The following GALNT13 variants were observed in gnomAD, a reference collection of about 807,000 sequenced individuals.
GALNT13 encodes the protein polypeptide N-acetylgalactosaminyltransferase 13.
In GALNT13, 28 loss-of-function variants were observed where a neutral mutation model predicts 64.2. That is an observed-to-expected ratio of 0.44 (90% CI 0.32 to 0.60). The LOEUF (loss-of-function observed/expected upper bound fraction) is 0.60. Among genes scored for constraint, GALNT13 ranks in the 20% least tolerant of loss-of-function variants. The pLI is 0.05. For synonymous variants in GALNT13, 214 were observed against 224.6 expected, an observed-to-expected ratio of 0.95 and a Z score of 0.42; for missense variants, 577 against 669.8, an observed-to-expected ratio of 0.86 and a Z score of 1.53.
intron 4 of GALNT13, among the ~76,000 whole-genome samples, chr2:154,233,482 AG>A (rs1689035835): frequency 6.6e-6 from 1 of 152,162 alleles, no homozygotes; most frequent in African/African-American, 2.4e-5. Context: ...TTGTTTGAAT[AG>A]ATTTATTTCC....
At chr2:153,462,010 C>T in the GALNT13 span, among the ~76,000 whole-genome samples, 1 of 151,984 alleles carries the variant, frequency 6.6e-6, no homozygotes, top group African/African-American at 2.4e-5. Flanking sequence ...TATCTGCTGC[C>T]ACCTGGATCT....
intron 3 of GALNT13, among the ~76,000 whole-genome samples, chr2:154,138,270 C>T (rs1683060141): frequency 2.0e-5 from 3 of 151,964 alleles, no homozygotes; most frequent in Non-Finnish European, 4.4e-5. Flanking sequence ...CTCCTGTGTA[C>T]ACATAAAAAT....
intron 3 of GALNT13, among the ~76,000 whole-genome samples, chr2:153,964,475 A>G (rs1693188799): frequency 6.6e-6 from 1 of 152,158 alleles, no homozygotes; most frequent in African/African-American, 2.4e-5. Context: ...CAGCATTTTC[A>G]TATATTTCTC....
the GALNT13 span, among the ~76,000 whole-genome samples, chr2:153,722,981 G>T: frequency 2.0e-5 from 3 of 152,016 alleles, no homozygotes; most frequent in South Asian, 2.1e-4. Context: ...TGATACCAAA[G>T]CCGGGCAGAG....
At chr2:153,175,728 A>G in the GALNT13 span, among the ~76,000 whole-genome samples, 3 of 152,194 alleles carry the variant, frequency 2.0e-5, no homozygotes, top group Non-Finnish European at 4.4e-5. Flanking sequence ...GATAAGACTC[A>G]TATTTTTAAA....
At chr2:154,354,617 C>CTT (rs748220614) in intron 9 of GALNT13, among the ~76,000 whole-genome samples, 31 of 105,584 alleles carry the variant, frequency 2.9e-4, no homozygotes, top group East Asian at 1.3e-3. Context: ...TTCAATCTCA[C>CTT]TTTTTTTTTT....
At chr2:154,231,270 G>C (rs1559038565) in intron 4 of GALNT13, among the ~76,000 whole-genome samples, 1 of 151,972 alleles carries the variant, frequency 6.6e-6, no homozygotes, top group East Asian at 1.9e-4. Context: ...CCTGTCAAAG[G>C]CAATTTCTTT....
chr2:153,292,002 C>A, the GALNT13 span, among the ~76,000 whole-genome samples: 1 of 152,154 alleles, frequency 6.6e-6, no homozygotes, highest in African/African-American at 2.4e-5. Flanking sequence ...AAAGGAAATG[C>A]CCTATCCACA....
the GALNT13 span, among the ~76,000 whole-genome samples, chr2:153,695,225 A>T: frequency 6.6e-6 from 1 of 152,210 alleles, no homozygotes. Flanking sequence ...ATGTGTCAAA[A>T]TTCTAGACTC....
the GALNT13 span, among the ~76,000 whole-genome samples, chr2:153,183,788 G>A: frequency 6.6e-6 from 1 of 152,084 alleles, no homozygotes; most frequent in Non-Finnish European, 1.5e-5. Context: ...TGGGCATGTG[G>A]TCTTATTTCT....
intron 9 of GALNT13, among the ~76,000 whole-genome samples, chr2:154,367,184 A>G (rs1196789511): frequency 1.3e-5 from 2 of 152,192 alleles, no homozygotes; most frequent in African/African-American, 4.8e-5. Flanking sequence ...GAGATGAAAC[A>G]TAAGTGATTC....
intron 3 of GALNT13, among the ~76,000 whole-genome samples, chr2:154,063,198 A>G (rs1212814098): frequency 1.3e-5 from 2 of 152,146 alleles, no homozygotes; most frequent in African/African-American, 4.8e-5. Context: ...CTCTTAAGGA[A>G]GCAGTGGTCT....
rs770693817 is a variant in GALNT13, at chr2:154,450,451, A to G, written c.1571A>G (p.Asp524Gly). 2 of 1,612,812 alleles carry G rather than the reference A, an allele frequency of 1.2e-6. No homozygotes were observed. The highest frequency in any genetic ancestry group is 1.7e-5 in the Admixed American group (1 of 59,830). The stretch of plus-strand genomic sequence containing the variant: ...CATGTTAACAGTAACCAATGTCTCG[A>G]TGAACCTTCTGAAGAAGACAAAATG... ...LRHVNSNQCL[D>G]EPSEEDKMVP... The change falls in exon 13 of 13, where the codon GAT becomes GGT. Residue 524 changes from aspartate (D) to glycine (G), a missense_variant. Asp to Gly is a moderately conservative substitution (Grantham distance 94). Transcript: ENST00000392825.
At chr2:153,971,239 C>G (rs114226516) in intron 3 of GALNT13, among the ~76,000 whole-genome samples, 2 of 152,166 alleles carry the variant, frequency 1.3e-5, no homozygotes, top group Non-Finnish European at 2.9e-5. Flanking sequence ...CATGGCCACA[C>G]TATTTGAAAA....
chr2:153,433,747 G>C, the GALNT13 span, among the ~76,000 whole-genome samples: 2 of 152,090 alleles, frequency 1.3e-5, no homozygotes, highest in Non-Finnish European at 2.9e-5. Context: ...AAAGAGAAGA[G>C]TTTTAACATC....
chr2:153,554,426 T>G, the GALNT13 span, among the ~76,000 whole-genome samples: 1 of 152,192 alleles, frequency 6.6e-6, no homozygotes, highest in South Asian at 2.1e-4. Context: ...TTTGGTATTA[T>G]ACAAATGAGA....
the GALNT13 span, among the ~76,000 whole-genome samples, chr2:153,191,509 A>G: frequency 6.6e-6 from 1 of 152,054 alleles, no homozygotes; most frequent in East Asian, 1.9e-4. Context: ...GTCATCTGGT[A>G]TATTGGAATA....
chr2:153,712,100 C>T, the GALNT13 span, among the ~76,000 whole-genome samples: 6 of 152,032 alleles, frequency 3.9e-5, no homozygotes, highest in Admixed American at 3.3e-4. Flanking sequence ...AATCATATTC[C>T]TTCTTTAGAA....
the GALNT13 span, among the ~76,000 whole-genome samples, chr2:153,410,542 A>G: frequency 6.6e-6 from 1 of 152,182 alleles, no homozygotes; most frequent in Non-Finnish European, 1.5e-5. Flanking sequence ...ATCAACAGAC[A>G]ATCATCAGAG....
Sources: gnomAD v4.1 joint callset for allele counts (sites outside exome capture counted in the v4.1 genomes callset) on GRCh38, gnomAD v4.1.1 for gene constraint, MANE v1.5 for transcripts, NCBI Gene and HGNC (gene_info 2026-07-23, HGNC 2026-07-21) for gene names.